Variants in DLG2 observed in about 807,000 individuals in gnomAD.
DLG2 encodes the protein disks large homolog 2.
A neutral mutation model predicts 132.5 loss-of-function variants in DLG2; 45 were observed. That is an observed-to-expected ratio of 0.34 (90% confidence interval 0.27 to 0.44). DLG2 has a LOEUF of 0.44. DLG2 is among the 20% of genes least tolerant of loss of function. The probability of loss-of-function intolerance (pLI) is 1.00; values close to 1 mark genes in which losing one functional copy is unlikely to be tolerated. For missense variants in DLG2, 1,045 were observed against 1,196.9 expected, an observed-to-expected ratio of 0.87 and a Z score of 1.87; for synonymous variants, 424 against 419.6, an observed-to-expected ratio of 1.01 and a Z score of -0.13.
At chr11:84,364,152 T>G (rs1028444717) in intron 7 of DLG2, among the ~76,000 whole-genome samples, 1 of 152,110 alleles carries the variant, frequency 6.6e-6, no homozygotes, top group Admixed American at 6.5e-5. Flanking sequence ...GCATGGAATG[T>G]TCTTCCATTT....
At chr11:85,300,746 C>T (rs2079536859) in intron 3 of DLG2, among the ~76,000 whole-genome samples, 1 of 151,988 alleles carries the variant, frequency 6.6e-6, no homozygotes, top group Non-Finnish European at 1.5e-5. Flanking sequence ...TGACAGAAAG[C>T]CTGTTCTAGG....
intron 6 of DLG2, among the ~76,000 whole-genome samples, chr11:84,916,512 C>G (rs2092480859): frequency 6.6e-6 from 1 of 151,938 alleles, no homozygotes; most frequent in East Asian, 1.9e-4. Context: ...AGATAGATAT[C>G]AAAAATTATA....
At chr11:83,615,320 A>G (rs1228659372) in intron 19 of DLG2, among the ~76,000 whole-genome samples, 1 of 152,244 alleles carries the variant, frequency 6.6e-6, no homozygotes. Context: ...ACTGTTGGCT[A>G]TAATACTTGC....
chr11:84,948,616 T>C (rs2155410), intron 6 of DLG2, among the ~76,000 whole-genome samples: 107,252 of 152,196 alleles, frequency 0.7, 39,077 homozygotes, highest in East Asian at 0.95. Context: ...GTAATATAGA[T>C]TCAAGGGCTT....
Position 85,427,982 on chromosome 11 carries a change from C to T in DLG2, c.41-142617G>A, listed in dbSNP as rs1269064529. Reference sequence around the variant, plus strand: ...AAAAGGCAGAGGTTGCAATCCTAGTCTCTGATAAAACAGACTTTAAACCAA... The same window carrying T: ...AAAAGGCAGAGGTTGCAATCCTAGTTTCTGATAAAACAGACTTTAAACCAA... On this transcript the variant is annotated intron_variant, in intron 3 of 27. Transcript: ENST00000376104. 3.9e-5 allele frequency among the ~76,000 whole-genome samples: 6 copies of T among 152,094 alleles called. No individual in the cohort carries two copies. In the East Asian group the frequency reaches 1.2e-3, roughly 29 times the overall value.
At chr11:83,951,812 A>C (rs1412972690) in intron 14 of DLG2, among the ~76,000 whole-genome samples, 2 of 152,198 alleles carry the variant, frequency 1.3e-5, no homozygotes, top group Non-Finnish European at 2.9e-5. Context: ...CAGCATGAGT[A>C]ACAAAGGCAA....
At chr11:83,923,368 T>C (rs1241066012) in intron 15 of DLG2, among the ~76,000 whole-genome samples, 1 of 152,120 alleles carries the variant, frequency 6.6e-6, no homozygotes, top group African/African-American at 2.4e-5. Flanking sequence ...AATGAGGGAA[T>C]TGAGGCTCTG....
intron 7 of DLG2, among the ~76,000 whole-genome samples, chr11:84,527,893 T>TTC (rs60170305): frequency 0.078 from 9,742 of 125,478 alleles, 1,017 homozygotes; most frequent in African/African-American, 0.21. Flanking sequence ...CTCCCTCCCT[T>TTC]TCTCTCTCTC....
At chr11:84,851,286 G>A (rs1331287652) in intron 6 of DLG2, among the ~76,000 whole-genome samples, 1 of 152,012 alleles carries the variant, frequency 6.6e-6, no homozygotes, top group Non-Finnish European at 1.5e-5. Flanking sequence ...TATTATATTT[G>A]AGAGTTTCAT....
intron 21 of DLG2, among the ~76,000 whole-genome samples, chr11:83,510,754 G>T (rs1216658298): frequency 1.3e-5 from 2 of 150,966 alleles, no homozygotes; most frequent in Non-Finnish European, 2.9e-5. Context: ...TCTATGACAA[G>T]CAGGGCCAGT....
chr11:84,939,815 C>T (rs183187085), intron 6 of DLG2, among the ~76,000 whole-genome samples: 53 of 152,112 alleles, frequency 3.5e-4, no homozygotes, highest in African/African-American at 1.3e-3. Flanking sequence ...TTTATTTATC[C>T]ATTTGTCTAT....
At chr11:85,609,416 G>A (rs1289506691) in intron 2 of DLG2, among the ~76,000 whole-genome samples, 2 of 152,174 alleles carry the variant, frequency 1.3e-5, no homozygotes, top group South Asian at 2.1e-4. Flanking sequence ...TGAAATCAGA[G>A]AAAGACCACA....
At chr11:84,257,394 C>T (rs2097490443) in intron 7 of DLG2, among the ~76,000 whole-genome samples, 1 of 152,126 alleles carries the variant, frequency 6.6e-6, no homozygotes, top group Non-Finnish European at 1.5e-5. Context: ...ATGACCCTGC[C>T]ACACCTAAAT....
At chr11:83,683,631 G>A (rs1003902796) in intron 18 of DLG2, among the ~76,000 whole-genome samples, 7 of 152,262 alleles carry the variant, frequency 4.6e-5, no homozygotes, top group South Asian at 4.1e-4. Context: ...ATATTGAAAC[G>A]TACATCACAA....
chr11:84,634,053 G>A (rs1249318291), intron 6 of DLG2, among the ~76,000 whole-genome samples: 2 of 152,124 alleles, frequency 1.3e-5, no homozygotes, highest in Admixed American at 6.6e-5. Context: ...AAAATGCTCT[G>A]TACAGCTGCT....
intron 17 of DLG2, among the ~76,000 whole-genome samples, chr11:83,798,070 G>A (rs911999205): frequency 1.3e-5 from 2 of 152,240 alleles, no homozygotes; most frequent in African/African-American, 4.8e-5. Context: ...GACCCCCTTG[G>A]AGATGCTGCT....
chr11:85,155,842 G>A (rs182797253), intron 4 of DLG2, among the ~76,000 whole-genome samples: 3 of 148,738 alleles, frequency 2.0e-5, no homozygotes, highest in East Asian at 2.0e-4. Context: ...CTGGGTGACT[G>A]AGCAAGACTC....
chr11:83,566,100 T>C (rs962061995), intron 19 of DLG2, among the ~76,000 whole-genome samples: 4 of 152,244 alleles, frequency 2.6e-5, no homozygotes, highest in African/African-American at 9.6e-5. Flanking sequence ...CCTAGAAATA[T>C]AATTTCCCAG....
chr11:84,502,313 T>C (rs867600318), intron 7 of DLG2, among the ~76,000 whole-genome samples: 4 of 4,998 alleles, frequency 8.0e-4, no homozygotes, highest in Non-Finnish European at 1.5e-3. Context: ...TTTCTTTCTT[T>C]CTTTCTTTCT....
Sources: allele counts gnomAD v4.1 joint callset (sites outside exome capture counted in the v4.1 genomes callset), GRCh38; gene constraint gnomAD v4.1.1; transcripts MANE v1.5; gene names NCBI Gene and HGNC (gene_info 2026-07-23, HGNC 2026-07-21).